The following JAM2 variants were observed in gnomAD, a reference collection of about 807,000 sequenced individuals.
JAM2 encodes junctional adhesion molecule B.
JAM2 carries 17 observed loss-of-function variants against 42.0 expected under a neutral mutation model. The ratio of observed to expected loss-of-function variants is 0.40; its 90% CI spans 0.28 to 0.61. The LOEUF is 0.61. JAM2 is among the 20% of genes least tolerant of loss of function. The pLI, the probability that JAM2 is intolerant of heterozygous loss-of-function variation, is 0.37. For synonymous variants in JAM2, 118 were observed against 128.6 expected (o/e 0.92, Z 0.56); for missense variants, 319 against 358.3 (o/e 0.89, Z 0.89).
At chr21:25,639,947 G>GC (rs972104825) in intron 1 of JAM2, 59 bp downstream of exon 1, 24 of 1,232,378 alleles carry the variant, frequency 1.9e-5, no homozygotes, top group African/African-American at 3.1e-5. Context: ...CCACCCTCCA[G>GC]CCCCCCACGG....
intron 1 of JAM2, among the ~76,000 whole-genome samples, chr21:25,670,972 G>T (rs2033346795): frequency 6.6e-6 from 1 of 152,180 alleles, no homozygotes; most frequent in African/African-American, 2.4e-5. Flanking sequence ...AGCACTTGTG[G>T]TAATAGAATT....
intron 1 of JAM2, among the ~76,000 whole-genome samples, chr21:25,654,773 A>G (rs551475626): frequency 6.6e-6 from 1 of 152,292 alleles, no homozygotes; most frequent in East Asian, 1.9e-4. Context: ...AACTTTCATT[A>G]CAGAAGGATA....
chr21:25,679,841 C>G (rs576514014), intron 1 of JAM2, among the ~76,000 whole-genome samples: 4 of 152,224 alleles, frequency 2.6e-5, no homozygotes, highest in Non-Finnish European at 5.9e-5. Flanking sequence ...TAGTGTTCAG[C>G]TTGCGGGGAT....
intron 1 of JAM2, among the ~76,000 whole-genome samples, chr21:25,671,073 T>A (rs1295035920): frequency 6.6e-6 from 1 of 152,220 alleles, no homozygotes; most frequent in Non-Finnish European, 1.5e-5. Flanking sequence ...CACACAGCTC[T>A]CATATTTTAA....
chr21:25,692,021 A>AAC (rs1358181936), intron 3 of JAM2, among the ~76,000 whole-genome samples: 4 of 151,610 alleles, frequency 2.6e-5, no homozygotes, highest in Admixed American at 6.6e-5. Context: ...AAAAAAAAAA[A>AAC]ATTTACATAC....
At chr21:25,698,939 A>G in intron 5 of JAM2, 60 bp downstream of exon 5, 1 of 1,436,524 alleles carries the variant, frequency 7.0e-7, no homozygotes. Context: ...AAAAATTATT[A>G]GAACTTAAGA....
At chr21:25,692,923 AAAATGGC>A (rs2033914276) in intron 3 of JAM2, among the ~76,000 whole-genome samples, 1 of 152,246 alleles carries the variant, frequency 6.6e-6, no homozygotes, top group Non-Finnish European at 1.5e-5. Context: ...GCAAAGACCT[AAAATGGC>A]TTGTTAAGGG....
chr21:25,678,533 T>G (rs1568902828), intron 1 of JAM2, among the ~76,000 whole-genome samples: 1 of 152,178 alleles, frequency 6.6e-6, no homozygotes, highest in Non-Finnish European at 1.5e-5. Flanking sequence ...TCATGGTTCT[T>G]GAAATATACA....
intron 1 of JAM2, among the ~76,000 whole-genome samples, chr21:25,653,796 A>G (rs1456223727): frequency 2.0e-5 from 3 of 152,210 alleles, no homozygotes; most frequent in East Asian, 3.9e-4. Flanking sequence ...TTAGAAAGCA[A>G]GGTAGCTATC....
At chr21:25,708,116 A>G (rs1051529526) in intron 7 of JAM2, among the ~76,000 whole-genome samples, 1 of 152,164 alleles carries the variant, frequency 6.6e-6, no homozygotes, top group Non-Finnish European at 1.5e-5. Context: ...CCAAAATGCT[A>G]GGATTACAGG....
In JAM2 at chr21:25,691,790, G is replaced by A. The variant is rs570848605; in HGVS notation, c.241+1817G>A. ...CATGTCTGTAATCCCAGCACTTTGG[G>A]AAGCCAAGGCATGCGGATCACTTGA... On this transcript the variant is annotated intron_variant, in intron 3 of 9. Transcript: ENST00000480456. Among the ~76,000 whole-genome samples, 13 of 152,200 alleles carry A rather than the reference G, an allele frequency of 8.5e-5. No individual in the cohort carries two copies. In the Middle Eastern group the frequency reaches 0.014, roughly 159 times the overall value.
intron 5 of JAM2, among the ~76,000 whole-genome samples, chr21:25,701,407 C>A (rs1267698994): frequency 6.6e-6 from 1 of 151,472 alleles, no homozygotes; most frequent in Non-Finnish European, 1.5e-5. Flanking sequence ...CTCCCTCTCT[C>A]CCTCCCTCTC....
At chr21:25,697,252 CCTAT>C (rs908172941) in intron 4 of JAM2, among the ~76,000 whole-genome samples, 1 of 146,040 alleles carries the variant, frequency 6.8e-6, no homozygotes, top group Non-Finnish European at 1.5e-5. Flanking sequence ...ATGAAATCAT[CCTAT>C]CTTAGAGACA....
intron 2 of JAM2, among the ~76,000 whole-genome samples, chr21:25,684,533 T>C (rs906424275): frequency 6.6e-6 from 1 of 151,708 alleles, no homozygotes; most frequent in African/African-American, 2.4e-5. Context: ...AGTTAAAAAA[T>C]TGTCAAAAGA....
At chr21:25,699,685 T>A (rs930219678) in intron 5 of JAM2, among the ~76,000 whole-genome samples, 5 of 124,942 alleles carry the variant, frequency 4.0e-5, no homozygotes, top group Non-Finnish European at 6.3e-5. Context: ...ATCGCGCCAC[T>A]GCGCTCCAGC....
At position 25,639,864 on chromosome 21, in the gene JAM2, C is replaced by T; in HGVS notation, c.43C>T (p.Arg15Cys). ...CCACCGCCTCCTCCTGCTGCTGCTG[C>T]GCTACCTGGTGGTCGCCCTGGGCTG... ...SRHRLLLLLL[R>C]YLVVALGYHK... Residue 15 changes from arginine to cysteine, a missense_variant, in exon 1 of 10, where the codon CGC becomes TGC. Transcript: ENST00000480456. The T allele has an allele frequency of 6.3e-7, 1 of 1,594,766 alleles. No individual in the cohort carries two copies. Among genetic ancestry groups the T allele is most frequent in the Non-Finnish European group, 8.5e-7 (1 of 1,171,940 alleles).
rs1366807237 is a variant in JAM2, at chr21:25,639,469, G to T, written c.-353G>T. ...CGATCAATCCCGGAGGCGTGGGGGCGGAGGGACGACCCGCCGGGGCTTTCC... is the reference window on the plus strand; with the variant it reads ...CGATCAATCCCGGAGGCGTGGGGGCTGAGGGACGACCCGCCGGGGCTTTCC... On this transcript the variant is annotated 5_prime_UTR_variant, in exon 1 of 10. Coordinates refer to ENST00000480456, the MANE Select transcript of JAM2 (RefSeq NM_021219.4). The T allele has an allele frequency of 9.3e-6, 2 of 214,354 alleles. No individual in the cohort carries two copies. Among genetic ancestry groups the T allele is most frequent in the African/African-American group, 4.6e-5 (2 of 43,728 alleles). The allele number at this position is 214,354 out of a possible 1,614,324, so 13.3% of individuals were successfully genotyped here.
intron 5 of JAM2, among the ~76,000 whole-genome samples, chr21:25,699,683 A>G (rs188352598): frequency 3.8e-5 from 5 of 132,046 alleles, no homozygotes; most frequent in African/African-American, 1.1e-4. Context: ...AGATCGCGCC[A>G]CTGCGCTCCA....
intron 1 of JAM2, among the ~76,000 whole-genome samples, chr21:25,647,228 C>T (rs564031610): frequency 6.6e-6 from 1 of 152,140 alleles, no homozygotes; most frequent in African/African-American, 2.4e-5. Context: ...TAAATTCAAA[C>T]AGAGCAGTAA....
Sources: allele counts gnomAD v4.1 joint callset (sites outside exome capture counted in the v4.1 genomes callset), GRCh38; gene constraint gnomAD v4.1.1; transcripts MANE v1.5; gene names NCBI Gene and HGNC (gene_info 2026-07-23, HGNC 2026-07-21).